UBXN7: variants seen among roughly 807,000 people sequenced by gnomAD.
UBXN7 encodes UBX domain-containing protein 7.
Under a neutral mutation model 58.0 loss-of-function variants are expected in UBXN7, and 9 were observed. The observed-to-expected ratio is 0.16, with a 90% CI of 0.09 to 0.27. The LOEUF (loss-of-function observed/expected upper bound fraction) is 0.27. Ranked by LOEUF, UBXN7 falls within the 10% of genes least tolerant of loss-of-function variation. The pLI is 1.00. For missense variants in UBXN7, 328 were observed against 599.6 expected (o/e 0.55, Z 4.73); for synonymous variants, 208 against 205.0 (o/e 1.01, Z -0.12).
intron 6 of UBXN7, among the ~76,000 whole-genome samples, chr3:196,370,378 A>G (rs1385733267): frequency 6.6e-6 from 1 of 151,360 alleles, no homozygotes; most frequent in East Asian, 1.9e-4. Context: ...TTGAGCCTAT[A>G]GGGGTTAGAG....
chr3:196,418,993 C>T (rs922213288), intron 1 of UBXN7, among the ~76,000 whole-genome samples: 1 of 152,156 alleles, frequency 6.6e-6, no homozygotes, highest in Non-Finnish European at 1.5e-5. Context: ...AGGTCGAGCG[C>T]GGTGGCTCAC....
intron 1 of UBXN7, among the ~76,000 whole-genome samples, chr3:196,423,982 C>G (rs1261581903): frequency 1.3e-5 from 2 of 150,978 alleles, no homozygotes; most frequent in East Asian, 1.9e-4. Flanking sequence ...CTCTGACTCC[C>G]GGGTTCCAGC....
chr3:196,405,787 G>C (rs937841601), intron 2 of UBXN7, among the ~76,000 whole-genome samples: 44 of 152,048 alleles, frequency 2.9e-4, no homozygotes, highest in Admixed American at 6.6e-5. Context: ...AGTGAATAAA[G>C]AAAATCACAC....
At chr3:196,378,237 C>G (rs778597239) in intron 5 of UBXN7, among the ~76,000 whole-genome samples, 5 of 152,182 alleles carry the variant, frequency 3.3e-5, no homozygotes, top group Non-Finnish European at 7.3e-5. Flanking sequence ...CTCCCCTTGT[C>G]CCTCTTACTT....
chr3:196,370,333 C>T (rs537167883), intron 6 of UBXN7, among the ~76,000 whole-genome samples: 23 of 150,882 alleles, frequency 1.5e-4, no homozygotes, highest in African/African-American at 5.1e-4. Flanking sequence ...CACCTATAGT[C>T]CCAGCAACTC....
Position 196,417,303 on chromosome 3 carries a change from C to T in UBXN7, c.74-9910G>A, listed in dbSNP as rs189900631. Reference sequence around the variant, plus strand: ...CTCCAGCCTGGGAGACAGAGCGAGACTCCATCTCGAAAACTAAATAAATAA... The same window carrying T: ...CTCCAGCCTGGGAGACAGAGCGAGATTCCATCTCGAAAACTAAATAAATAA... On this transcript the variant is annotated intron_variant, in intron 1 of 10. Coordinates refer to ENST00000296328, the MANE Select transcript of UBXN7 (RefSeq NM_015562.2). Among the ~76,000 whole-genome samples, 194 of 152,280 alleles carry T rather than the reference C, an allele frequency of 1.3e-3. 2 individuals carry two copies. Among genetic ancestry groups the T allele is most frequent in the Admixed American group, 4.7e-3 (72 of 15,290 alleles).
intron 1 of UBXN7, among the ~76,000 whole-genome samples, chr3:196,410,022 C>T (rs994036033): frequency 3.3e-5 from 5 of 151,282 alleles, no homozygotes; most frequent in African/African-American, 1.2e-4. Flanking sequence ...CTCACTACAA[C>T]CTCCACTTCA....
At chr3:196,388,513 C>T (rs1729484639) in intron 5 of UBXN7, among the ~76,000 whole-genome samples, 2 of 151,730 alleles carry the variant, frequency 1.3e-5, no homozygotes, top group African/African-American at 4.8e-5. Flanking sequence ...CAGTCAAACC[C>T]TTACTCTTGA....
chr3:196,419,650 C>G (rs1730619066), intron 1 of UBXN7, among the ~76,000 whole-genome samples: 1 of 152,120 alleles, frequency 6.6e-6, no homozygotes, highest in Admixed American at 6.6e-5. Context: ...GCACTAGAGG[C>G]ATTCAGTAAC....
At chr3:196,387,865 C>A (rs1729458035) in intron 5 of UBXN7, among the ~76,000 whole-genome samples, 1 of 152,114 alleles carries the variant, frequency 6.6e-6, no homozygotes, top group Non-Finnish European at 1.5e-5. Flanking sequence ...TTAGTTCAAC[C>A]ATTGTGGAAG....
At chr3:196,426,675 C>T (rs1356747528) in intron 1 of UBXN7, among the ~76,000 whole-genome samples, 1 of 151,840 alleles carries the variant, frequency 6.6e-6, no homozygotes, top group Non-Finnish European at 1.5e-5. Flanking sequence ...ATGGAGAAAC[C>T]CCGTCTCTAC....
At chr3:196,362,722 A>G in intron 8 of UBXN7, 35 bp from the exon 9 acceptor site, 1 of 1,560,038 alleles carries the variant, frequency 6.4e-7, no homozygotes, top group Non-Finnish European at 8.7e-7. Flanking sequence ...AGGAAAAAGA[A>G]CAAGTTAAAC....
chr3:196,371,508 G>GTCTA (rs2108833031), intron 6 of UBXN7, among the ~76,000 whole-genome samples: 1 of 152,254 alleles, frequency 6.6e-6, no homozygotes, highest in East Asian at 1.9e-4. Flanking sequence ...TTGAGATGGA[G>GTCTA]TCTAGCTCTA....
At chr3:196,425,461 TCTCA>T (rs1292619155) in intron 1 of UBXN7, among the ~76,000 whole-genome samples, 1 of 151,918 alleles carries the variant, frequency 6.6e-6, no homozygotes, top group Non-Finnish European at 1.5e-5. Context: ...AGAGATGGGG[TCTCA>T]CTATGTTGCC....
intron 3 of UBXN7, among the ~76,000 whole-genome samples, chr3:196,401,067 G>T (rs1253856955): frequency 4.0e-5 from 6 of 150,926 alleles, no homozygotes; most frequent in African/African-American, 7.3e-5. Flanking sequence ...AATCTAGACA[G>T]TATATTCTTT....
intron 5 of UBXN7, among the ~76,000 whole-genome samples, chr3:196,381,821 G>C (rs1161567509): frequency 6.6e-6 from 1 of 152,216 alleles, no homozygotes; most frequent in African/African-American, 2.4e-5. Context: ...GAAAACCACA[G>C]CACGAGAACT....
intron 5 of UBXN7, among the ~76,000 whole-genome samples, chr3:196,381,647 T>C (rs866751538): frequency 6.6e-6 from 1 of 152,228 alleles, no homozygotes; most frequent in Non-Finnish European, 1.5e-5. Context: ...CTTTGACAAG[T>C]TGACAGAAGT....
chr3:196,367,944 C>G, intron 8 of UBXN7, 84 bp downstream of exon 8: 1 of 1,523,288 alleles, frequency 6.6e-7, no homozygotes, highest in East Asian at 2.3e-5. Context: ...ATTATCTTTA[C>G]CATCTTAACA....
intron 3 of UBXN7, among the ~76,000 whole-genome samples, chr3:196,396,112 C>A (rs887842681): frequency 1.3e-5 from 2 of 150,280 alleles, no homozygotes; most frequent in African/African-American, 2.5e-5. Context: ...TCGCTCTCTA[C>A]CTTCCTCCCT....
Sources: allele counts gnomAD v4.1 joint callset (sites outside exome capture counted in the v4.1 genomes callset), GRCh38; gene constraint gnomAD v4.1.1; transcripts MANE v1.5; gene names NCBI Gene and HGNC (gene_info 2026-07-23, HGNC 2026-07-21).